Variants in PTPN2 observed in about 807,000 individuals in gnomAD.
PTPN2 encodes the protein protein tyrosine phosphatase non-receptor type 2, also known as tyrosine-protein phosphatase non-receptor type 2.
Under a neutral mutation model 57.3 loss-of-function variants are expected in PTPN2, and 19 were observed. The observed-to-expected ratio is 0.33, with a 90% confidence interval of 0.23 to 0.49. The LOEUF (loss-of-function observed/expected upper bound fraction) is 0.49, where lower values mean the gene tolerates loss of function less well. Ranked by LOEUF, PTPN2 falls within the 20% of genes least tolerant of loss-of-function variation. PTPN2 has a pLI of 0.99. For missense variants in PTPN2, 358 were observed against 501.1 expected, an observed-to-expected ratio of 0.71 and a Z score of 2.73; for synonymous variants, 153 against 164.9, an observed-to-expected ratio of 0.93 and a Z score of 0.55.
At chr18:12,828,105 G>A (rs1280511275) in intron 4 of PTPN2, among the ~76,000 whole-genome samples, 1 of 152,104 alleles carries the variant, frequency 6.6e-6, no homozygotes, top group East Asian at 1.9e-4. Context: ...TGGAATACCA[G>A]AAGGAAATGG....
At chr18:12,874,141 C>G in intron 1 of PTPN2, among the ~76,000 whole-genome samples, 1 of 152,078 alleles carries the variant, frequency 6.6e-6, no homozygotes, top group South Asian at 2.1e-4. Context: ...GCAGCCGCCC[C>G]GTCCAGGAGG....
At chr18:12,826,007 T>TA in intron 4 of PTPN2, 63 bp from the exon 5 acceptor site, 1 of 1,388,828 alleles carries the variant, frequency 7.2e-7, no homozygotes, top group Non-Finnish European at 9.8e-7. Context: ...ACCATAAAGT[T>TA]AAAAAATGAA....
chr18:12,883,854 G>GC (rs1396837702), intron 1 of PTPN2: 1 of 479,794 alleles, frequency 2.1e-6, no homozygotes, highest in African/African-American at 2.1e-5. Context: ...ACCATGAGCT[G>GC]CTCAGCTCAA....
downstream of PTPN2, chr18:12,792,087 C>T: frequency 2.3e-6 from 1 of 426,296 alleles, no homozygotes; most frequent in Non-Finnish European, 3.1e-6. Context: ...AAAAAATGTC[C>T]CTCTTACCTC....
intron 8 of PTPN2, among the ~76,000 whole-genome samples, chr18:12,797,479 CTATTTT>C (rs2041236173): frequency 6.6e-6 from 1 of 152,006 alleles, no homozygotes; most frequent in African/African-American, 2.4e-5. Context: ...TGACAACACA[CTATTTT>C]TCTCATTTAA....
chr18:12,794,681 G>T (rs2041100604), intron 8 of PTPN2, among the ~76,000 whole-genome samples, 196 bp from the exon 9 acceptor site: 1 of 152,172 alleles, frequency 6.6e-6, no homozygotes, highest in Non-Finnish European at 1.5e-5. Flanking sequence ...GAGTGCAGTG[G>T]TACAATCTTG....
chr18:12,864,547 C>T (rs778596255), intron 1 of PTPN2, among the ~76,000 whole-genome samples: 1 of 152,102 alleles, frequency 6.6e-6, no homozygotes, highest in Non-Finnish European at 1.5e-5. Flanking sequence ...AAATGCCCGC[C>T]ACCACGCCCG....
intron 6 of PTPN2, among the ~76,000 whole-genome samples, chr18:12,815,887 C>A (rs939270920): frequency 4.6e-5 from 7 of 152,204 alleles, no homozygotes; most frequent in Non-Finnish European, 4.4e-5. Context: ...ACCTGGGAAT[C>A]TACTTTGTGC....
At chr18:12,802,186 A>C in intron 7 of PTPN2, 35 bp from the exon 8 acceptor site, 3 of 1,466,958 alleles carry the variant, frequency 2.0e-6, no homozygotes, top group Non-Finnish European at 2.8e-6. Context: ...ACAAATGCAA[A>C]CATTAAAAAT....
chr18:12,828,531 A>G (rs1372880410), intron 4 of PTPN2, among the ~76,000 whole-genome samples: 2 of 152,230 alleles, frequency 1.3e-5, no homozygotes, highest in Non-Finnish European at 2.9e-5. Flanking sequence ...GAAATGAGTC[A>G]TTACAAGATA....
chr18:12,884,159 G>A lies in PTPN2; in HGVS notation c.-18C>T, dbSNP rs1327128584. ...GTGGGCATGGCTGCGGGAGCGAGCT[G>A]GCGCGAGCAGAGCCTGCGCCGGCGG... On this transcript the variant is annotated 5_prime_UTR_variant, in exon 1 of 9. Transcript: ENST00000309660. 8 of 1,570,746 alleles carry A rather than the reference G, an allele frequency of 5.1e-6. No homozygotes were observed. Among genetic ancestry groups the A allele is most frequent in the Admixed American group, 3.7e-5 (2 of 54,294 alleles).
chr18:12,785,827 G>T, exon 10 of PTPN2: 1 of 1,610,580 alleles, frequency 6.2e-7, no homozygotes, highest in South Asian at 1.1e-5. Flanking sequence ...TGAATATTAG[G>T]TGTCTGTCAA....
intron 5 of PTPN2, among the ~76,000 whole-genome samples, chr18:12,819,653 A>G (rs1250487466): frequency 1.4e-5 from 2 of 142,092 alleles, no homozygotes; most frequent in South Asian, 5.4e-4. Flanking sequence ...TTGTAGGTTA[A>G]AAAAAAAAGG....
At chr18:12,833,495 G>A (rs933572270) in intron 3 of PTPN2, among the ~76,000 whole-genome samples, 1 of 152,180 alleles carries the variant, frequency 6.6e-6, no homozygotes, top group African/African-American at 2.4e-5. Context: ...GGCTGGGAAG[G>A]AAACTACAGA....
intron 8 of PTPN2, among the ~76,000 whole-genome samples, chr18:12,795,071 T>C (rs2041121117): frequency 1.3e-5 from 2 of 152,234 alleles, no homozygotes; most frequent in South Asian, 4.1e-4. Context: ...TTAGTTTTCT[T>C]TCCTTCCTTG....
chr18:12,868,702 G>C (rs543030534), intron 1 of PTPN2, among the ~76,000 whole-genome samples: 1 of 149,314 alleles, frequency 6.7e-6, no homozygotes, highest in African/African-American at 2.4e-5. Flanking sequence ...GGGAGGCTGA[G>C]GCGGGCGGAT....
intron 1 of PTPN2, among the ~76,000 whole-genome samples, chr18:12,861,502 T>C (rs569500875): frequency 6.6e-6 from 1 of 152,338 alleles, no homozygotes; most frequent in East Asian, 1.9e-4. Context: ...GGAAGGCAAG[T>C]TGTCCCCTAT....
intron 1 of PTPN2, among the ~76,000 whole-genome samples, chr18:12,876,096 G>A (rs925124201): frequency 1.3e-5 from 2 of 151,972 alleles, no homozygotes; most frequent in South Asian, 2.1e-4. Flanking sequence ...GCAGTGAGCC[G>A]TGATCTCATC....
intron 2 of PTPN2, among the ~76,000 whole-genome samples, chr18:12,856,350 T>C (rs1340881341): frequency 6.6e-6 from 1 of 152,162 alleles, no homozygotes; most frequent in African/African-American, 2.4e-5. Flanking sequence ...GAAGCAAGAA[T>C]GAGCAGTCTC....
Sources: gnomAD v4.1 joint callset for allele counts (sites outside exome capture counted in the v4.1 genomes callset) on GRCh38, gnomAD v4.1.1 for gene constraint, MANE v1.5 for transcripts, NCBI Gene and HGNC (gene_info 2026-07-23, HGNC 2026-07-21) for gene names.